TENM1: variants seen among roughly 807,000 people sequenced by gnomAD.
The protein encoded by TENM1 is teneurin transmembrane protein 1.
In TENM1, 35 loss-of-function variants were observed where a neutral mutation model predicts 174.8. The observed-to-expected ratio is 0.20, with a 90% CI of 0.15 to 0.27. TENM1 has a LOEUF of 0.27. Ranked by LOEUF, TENM1 falls within the 10% of genes least tolerant of loss-of-function variation. TENM1 has a pLI of 1.00. For synonymous variants in TENM1, 781 were observed against 798.7 expected (o/e 0.98, Z 0.37); for missense variants, 1,633 against 2,130.1 (o/e 0.77, Z 4.59).
intron 11 of TENM1, among the ~76,000 whole-genome samples, chrX:124,590,446 G>A (rs2049706153): frequency 1.8e-5 from 2 of 110,018 alleles, no homozygotes; most frequent in Non-Finnish European, 3.8e-5. Flanking sequence ...CCTCTTCAAG[G>A]AGAACGACAA....
At chrX:125,064,035 T>C in the TENM1 span, among the ~76,000 whole-genome samples, 1 of 110,227 alleles carries the variant, frequency 9.1e-6, no homozygotes, top group Non-Finnish European at 1.9e-5. Flanking sequence ...CTGGAAACCA[T>C]CATTCTCAGC....
chrX:125,050,153 T>TTTATTATTA, the TENM1 span, among the ~76,000 whole-genome samples: 7 of 107,387 alleles, frequency 6.5e-5, no homozygotes, highest in African/African-American at 2.4e-4. Flanking sequence ...ATAGAATCTT[T>TTTATTATTA]TTATTATTAT....
the TENM1 span, among the ~76,000 whole-genome samples, chrX:124,979,598 T>A: frequency 1.8e-5 from 2 of 111,704 alleles, no homozygotes; most frequent in Non-Finnish European, 3.8e-5. Context: ...CATATAGGTC[T>A]CAGATTGTAT....
At chrX:125,012,434 C>T in the TENM1 span, among the ~76,000 whole-genome samples, 1 of 112,185 alleles carries the variant, frequency 8.9e-6, no homozygotes, top group South Asian at 3.7e-4. Flanking sequence ...CGCTTAGAAG[C>T]GAATTGACTC....
At chrX:125,196,080 TA>T in the TENM1 span, among the ~76,000 whole-genome samples, 3 of 110,389 alleles carry the variant, frequency 2.7e-5, no homozygotes, top group Non-Finnish European at 5.7e-5. Flanking sequence ...ATTGATAATT[TA>T]AAATGTAAGA....
At chrX:125,064,657 A>G in the TENM1 span, among the ~76,000 whole-genome samples, 1 of 111,576 alleles carries the variant, frequency 9.0e-6, no homozygotes, top group Non-Finnish European at 1.9e-5. Flanking sequence ...AACAATAGCC[A>G]ACACCATAGA....
At chrX:124,725,408 C>T (rs2053422541) in intron 4 of TENM1, among the ~76,000 whole-genome samples, 1 of 111,796 alleles carries the variant, frequency 8.9e-6, no homozygotes, top group Admixed American at 9.5e-5. Flanking sequence ...TTATAATGAA[C>T]TGTTTTTCAT....
At chrX:125,009,830 C>A in the TENM1 span, among the ~76,000 whole-genome samples, 1 of 111,849 alleles carries the variant, frequency 8.9e-6, no homozygotes, top group African/African-American at 3.3e-5. Flanking sequence ...TAAAATTCAA[C>A]ATCCCTTCAT....
chrX:124,969,367 T>C, the TENM1 span, among the ~76,000 whole-genome samples: 465 of 112,119 alleles, frequency 4.1e-3, 1 homozygote, highest in African/African-American at 0.014. Context: ...AGACAAACTC[T>C]AAGTGACTTT....
In TENM1 at chrX:124,781,719, C is replaced by T. The variant is rs758548262; in HGVS notation, c.536-44522G>A. 8.1e-5 allele frequency among the ~76,000 whole-genome samples: 9 copies of T among 111,419 alleles called. No homozygotes were observed. The East Asian group carries it at 2.5e-3, about 32-fold the overall frequency. ...TGTCTTATCCCTGATGCAAGTGGCT[C>T]CTTAAGCATTGCCTTTAGGACCTGA... On this transcript the variant is annotated intron_variant, in intron 3 of 31. Transcript: ENST00000422452.
At chrX:124,760,094 C>T (rs2054371431) in intron 3 of TENM1, among the ~76,000 whole-genome samples, 2 of 111,932 alleles carry the variant, frequency 1.8e-5, no homozygotes, top group African/African-American at 3.3e-5. Flanking sequence ...AGGAAGTTCT[C>T]CCCATTTGCA....
At chrX:125,064,976 T>C in the TENM1 span, among the ~76,000 whole-genome samples, 1 of 112,182 alleles carries the variant, frequency 8.9e-6, no homozygotes, top group African/African-American at 3.2e-5. Context: ...GTACCAAAAC[T>C]GTTAGTCCCA....
chrX:125,040,639 A>T, the TENM1 span, among the ~76,000 whole-genome samples: 1 of 111,496 alleles, frequency 9.0e-6, no homozygotes, highest in Non-Finnish European at 1.9e-5. Context: ...GATGTATGTT[A>T]TATCATCAAC....
intron 22 of TENM1, among the ~76,000 whole-genome samples, chrX:124,462,897 C>T (rs940651654): frequency 9.0e-6 from 1 of 111,728 alleles, no homozygotes; most frequent in Non-Finnish European, 1.9e-5. Flanking sequence ...GATGCAGTGA[C>T]AATGTCTTTC....
chrX:124,405,003 C>T, intron 27 of TENM1, 28 bp downstream of exon 30: 1 of 1,161,635 alleles, frequency 8.6e-7, no homozygotes, highest in Non-Finnish European at 1.2e-6. Flanking sequence ...TATAAAAGTT[C>T]TATATCTTGT....
intron 14 of TENM1, among the ~76,000 whole-genome samples, chrX:124,551,776 G>A (rs773309824): frequency 1.2e-4 from 13 of 112,064 alleles, no homozygotes; most frequent in Admixed American, 1.0e-3. Context: ...TACATAACCA[G>A]CACTTGATAA....
chrX:124,605,004 G>A, intron 11 of TENM1, among the ~76,000 whole-genome samples: 1 of 107,072 alleles, frequency 9.3e-6, no homozygotes, highest in Middle Eastern at 4.6e-3. Context: ...AGAGCAAATA[G>A]AGGATTCCAT....
chrX:124,921,275 A>T (rs2058017374), intron 1 of TENM1, among the ~76,000 whole-genome samples: 1 of 110,353 alleles, frequency 9.1e-6, no homozygotes, highest in Non-Finnish European at 1.9e-5. Flanking sequence ...TCCCTATCTA[A>T]CTTCTCCAAT....
chrX:124,375,927 T>C (rs2060099681), exon 32 of TENM1: 1 of 112,720 alleles, frequency 8.9e-6, no homozygotes, highest in Non-Finnish European at 1.9e-5. Flanking sequence ...TTTTATTTTT[T>C]AAAAATGAAA....
Sources: allele counts gnomAD v4.1 joint callset (sites outside exome capture counted in the v4.1 genomes callset), GRCh38; gene constraint gnomAD v4.1.1; transcripts MANE v1.5; gene names NCBI Gene and HGNC (gene_info 2026-07-23, HGNC 2026-07-21).